Variants in C12orf42 observed in about 807,000 individuals in gnomAD.
C12orf42 encodes uncharacterized protein C12orf42.
In C12orf42, 25 loss-of-function variants were observed where a neutral mutation model predicts 21.6. The observed-to-expected ratio is 1.16, with a 90% CI of 0.84 to 1.62. C12orf42 has a LOEUF of 1.62. Among genes scored for constraint, C12orf42 ranks in the 40% most tolerant of loss-of-function variants. C12orf42 has a pLI of 0.00. For synonymous variants in C12orf42, 174 were observed against 175.0 expected (o/e 0.99, Z 0.05); for missense variants, 483 against 459.3 (o/e 1.05, Z -0.47).
chr12:103,245,503 A>G (rs2033966970), intron 10 of C12orf42, among the ~76,000 whole-genome samples: 1 of 152,040 alleles, frequency 6.6e-6, no homozygotes, highest in Non-Finnish European at 1.5e-5. Flanking sequence ...AATAAACCCT[A>G]ACATAGAGAG....
chr12:103,242,244 T>C (rs969239265), intron 10 of C12orf42, among the ~76,000 whole-genome samples: 2 of 152,182 alleles, frequency 1.3e-5, no homozygotes, highest in Non-Finnish European at 2.9e-5. Context: ...ATCCACCTGT[T>C]GTAAGACTGG....
chr12:103,530,348 G>A, the C12orf42 span, among the ~76,000 whole-genome samples: 6 of 152,150 alleles, frequency 3.9e-5, no homozygotes, highest in Non-Finnish European at 7.4e-5. Context: ...GCGTGTGTTG[G>A]GGGCCAAGGC....
chr12:103,074,363 C>G, the C12orf42 span, among the ~76,000 whole-genome samples: 9 of 152,206 alleles, frequency 5.9e-5, no homozygotes, highest in South Asian at 1.0e-3. Context: ...TCTGGAAAAG[C>G]GTACCATGGA....
At chr12:103,399,383 G>A (rs2047799083) in intron 3 of C12orf42, among the ~76,000 whole-genome samples, 1 of 150,992 alleles carries the variant, frequency 6.6e-6, no homozygotes, top group South Asian at 2.1e-4. Flanking sequence ...TTGTTTGTTT[G>A]TTTGAAACAG....
At chr12:103,315,406 TAA>T in intron 4 of C12orf42, among the ~76,000 whole-genome samples, 1 of 152,036 alleles carries the variant, frequency 6.6e-6, no homozygotes, top group East Asian at 1.9e-4. Context: ...ATGCTATAAA[TAA>T]AAAACACTGT....
the C12orf42 span, among the ~76,000 whole-genome samples, chr12:103,090,515 G>T: frequency 6.6e-6 from 1 of 152,206 alleles, no homozygotes; most frequent in Non-Finnish European, 1.5e-5. Flanking sequence ...CCTCATAGAG[G>T]TGTTGAGAGA....
the C12orf42 span, among the ~76,000 whole-genome samples, chr12:103,146,612 A>AAAGAAAG: frequency 8.6e-5 from 10 of 116,870 alleles, no homozygotes; most frequent in East Asian, 7.6e-4. Context: ...AAGAAAGAAA[A>AAAGAAAG]AGAAAAGTAA....
the C12orf42 span, among the ~76,000 whole-genome samples, chr12:103,563,652 C>T: frequency 3.9e-5 from 6 of 152,164 alleles, no homozygotes; most frequent in African/African-American, 1.4e-4. Flanking sequence ...CTCACCTCTG[C>T]TCCACAAGGC....
chr12:103,507,997 G>A, the C12orf42 span, among the ~76,000 whole-genome samples: 1 of 152,116 alleles, frequency 6.6e-6, no homozygotes, highest in Non-Finnish European at 1.5e-5. Context: ...GGATGCAGGG[G>A]AATCTGGGCC....
chr12:103,344,480 A>G (rs1459513716), intron 4 of C12orf42, among the ~76,000 whole-genome samples: 2 of 152,154 alleles, frequency 1.3e-5, no homozygotes, highest in African/African-American at 4.8e-5. Flanking sequence ...CCTGGTTCCA[A>G]TTGGTGACAT....
At chr12:103,412,966 G>A (rs1461980921) in intron 2 of C12orf42, among the ~76,000 whole-genome samples, 6 of 152,096 alleles carry the variant, frequency 3.9e-5, no homozygotes, top group Admixed American at 6.5e-5. Flanking sequence ...AGTTTAATTA[G>A]GTCCCACTTG....
the C12orf42 span, among the ~76,000 whole-genome samples, chr12:103,529,868 C>A: frequency 6.6e-6 from 1 of 152,128 alleles, no homozygotes; most frequent in Non-Finnish European, 1.5e-5. Flanking sequence ...TCCAAAATTT[C>A]CCTTTCAGCT....
At chr12:103,256,356 G>A (rs1163373674) in intron 10 of C12orf42, among the ~76,000 whole-genome samples, 4 of 151,250 alleles carry the variant, frequency 2.6e-5, no homozygotes, top group Non-Finnish European at 5.9e-5. Flanking sequence ...AAAACCAAAA[G>A]TCTAGGAGCA....
At position 103,256,111 on chromosome 12, in the gene C12orf42, TACACACACACAC is replaced by T. The variant is rs199952822; in HGVS notation, c.*1366+7203_*1366+7214del. On this transcript the variant is annotated intron_variant and NMD_transcript_variant, in intron 10 of 10. Transcript: ENST00000547347. ...ATATATATATATATATATATATATATACACACACACACACACACACACACACACACACACGTA... is the reference window on the plus strand; with the variant it reads ...ATATATATATATATATATATATATATACACACACACACACACACACACGTA... 6.1e-3 allele frequency among the ~76,000 whole-genome samples: 206 copies of T among 33,858 alleles called. 2 individuals carry two copies. The highest frequency in any genetic ancestry group is 0.016 in the South Asian group (13 of 836). The allele number at this position is 33,858 out of a possible 152,430, so 22.2% of individuals were successfully genotyped here. A position where few individuals can be genotyped will look rare whatever the true frequency, so the allele number is the denominator to read the frequency against.
the C12orf42 span, among the ~76,000 whole-genome samples, chr12:103,054,264 C>T: frequency 6.6e-6 from 1 of 151,734 alleles, no homozygotes; most frequent in Non-Finnish European, 1.5e-5. Context: ...CTTTGGTCAG[C>T]ATCTTGTAAT....
chr12:103,305,882 G>T, intron 5 of C12orf42, 92 bp downstream of exon 5: 2 of 1,423,926 alleles, frequency 1.4e-6, no homozygotes, highest in Non-Finnish European at 1.9e-6. Context: ...GACTGGCCAT[G>T]AAGTCAATAT....
At chr12:103,172,399 T>C in the C12orf42 span, among the ~76,000 whole-genome samples, 2 of 152,112 alleles carry the variant, frequency 1.3e-5, no homozygotes, top group African/African-American at 4.8e-5. Context: ...AGGACAATTA[T>C]GATGATACTA....
At chr12:103,184,423 C>T in the C12orf42 span, among the ~76,000 whole-genome samples, 1 of 152,024 alleles carries the variant, frequency 6.6e-6, no homozygotes, top group Non-Finnish European at 1.5e-5. Flanking sequence ...TTAATTTTAA[C>T]CTACCTATGT....
the C12orf42 span, among the ~76,000 whole-genome samples, chr12:103,536,513 T>C: frequency 1.3e-5 from 2 of 152,136 alleles, no homozygotes; most frequent in African/African-American, 4.8e-5. Context: ...AGGATGGCAC[T>C]TTGGAGAGAA....
Sources: allele counts gnomAD v4.1 joint callset (sites outside exome capture counted in the v4.1 genomes callset), GRCh38; gene constraint gnomAD v4.1.1; transcripts MANE v1.5; gene names NCBI Gene and HGNC (gene_info 2026-07-23, HGNC 2026-07-21).